NME7: variants seen among roughly 807,000 people sequenced by gnomAD.
The protein encoded by NME7 is NME/NM23 family member 7, also known as nucleoside diphosphate kinase 7.
Under a neutral mutation model 49.1 loss-of-function variants are expected in NME7, and 41 were observed. The observed-to-expected ratio is 0.83, with a 90% CI of 0.65 to 1.08. NME7 has a LOEUF of 1.08. NME7 is among the 50% of genes least tolerant of loss of function. The pLI, the probability that NME7 is intolerant of heterozygous loss-of-function variation, is 0.00. For synonymous variants in NME7, 139 were observed against 150.6 expected, an observed-to-expected ratio of 0.92 and a Z score of 0.56; for missense variants, 423 against 463.4, an observed-to-expected ratio of 0.91 and a Z score of 0.80.
intron 7 of NME7, among the ~76,000 whole-genome samples, chr1:169,278,853 T>C (rs1649867437): frequency 6.6e-6 from 1 of 152,186 alleles, no homozygotes. Flanking sequence ...GATGTACAGA[T>C]GGGTTTTTGG....
intron 10 of NME7, among the ~76,000 whole-genome samples, chr1:169,193,613 A>G (rs879890068): frequency 7.2e-5 from 11 of 152,200 alleles, no homozygotes; most frequent in South Asian, 4.1e-4. Context: ...CAAGCAGCAC[A>G]TGTGTATTAC....
At chr1:169,215,894 C>T (rs1263777048) in intron 10 of NME7, among the ~76,000 whole-genome samples, 2 of 152,144 alleles carry the variant, frequency 1.3e-5, no homozygotes, top group African/African-American at 4.8e-5. Context: ...GCAATCTAAA[C>T]AAGTCAAATT....
chr1:169,322,584 A>G (rs1651892478), intron 3 of NME7: 1 of 151,956 alleles, frequency 6.6e-6, no homozygotes, highest in Non-Finnish European at 1.5e-5. Flanking sequence ...CCTGTATCAT[A>G]ATTTCTTTAT....
intron 1 of NME7, among the ~76,000 whole-genome samples, chr1:169,328,069 A>G (rs929132): frequency 0.35 from 53,360 of 152,010 alleles, 10,484 homozygotes; most frequent in Non-Finnish European, 0.44. Flanking sequence ...CAACGAGCAC[A>G]CCAATCTGAT....
rs114624753 is a variant in NME7, at chr1:169,320,861, C to G, written c.278+2256G>C. Among the ~76,000 whole-genome samples, 621 of 152,016 alleles carry G rather than the reference C, an allele frequency of 4.1e-3. 1 individual carries two copies. The highest frequency in any genetic ancestry group is 7.4e-3 in the Non-Finnish European group (505 of 67,976). Reference sequence around the variant, plus strand: ...TGTTCATCCTGTTTTAAAATCAGTCCCATTCAACAGTATTTGCCAGCATAT... The same window carrying G: ...TGTTCATCCTGTTTTAAAATCAGTCGCATTCAACAGTATTTGCCAGCATAT... On this transcript the variant is annotated intron_variant, in intron 3 of 11. Coordinates refer to ENST00000367811, the MANE Select transcript of NME7 (RefSeq NM_013330.5).
intron 1 of NME7, among the ~76,000 whole-genome samples, chr1:169,355,864 A>T (rs1201026805): frequency 6.6e-6 from 1 of 152,094 alleles, no homozygotes; most frequent in Non-Finnish European, 1.5e-5. Context: ...TAAGGGTGGG[A>T]CTTTGTCACT....
intron 10 of NME7, among the ~76,000 whole-genome samples, chr1:169,208,911 C>T (rs1003768921): frequency 6.6e-6 from 1 of 151,932 alleles, no homozygotes; most frequent in African/African-American, 2.4e-5. Flanking sequence ...GGTTGGATTT[C>T]GATCCTGTAA....
rs1473278497 is a variant in NME7, at chr1:169,274,724, A to G, written c.754+12579T>C. Among the ~76,000 whole-genome samples, 2 of 133,684 alleles carry G rather than the reference A, an allele frequency of 1.5e-5. 1 individual carries two copies. The highest frequency in any genetic ancestry group is 3.5e-5 in the Non-Finnish European group (2 of 56,946). The allele number at this position is 133,684 out of a possible 152,430, so 87.7% of individuals were successfully genotyped here. On this transcript the variant is annotated intron_variant, in intron 7 of 11. Transcript: ENST00000367811. Reference sequence around the variant, plus strand: ...CCCAGCACCACTTATTAAATAGGGAATCCTTTTCCCATTGCTTGTTTTTCT... The same window carrying G: ...CCCAGCACCACTTATTAAATAGGGAGTCCTTTTCCCATTGCTTGTTTTTCT...
intron 5 of NME7, among the ~76,000 whole-genome samples, chr1:169,299,568 A>G (rs754094977): frequency 4.6e-5 from 7 of 152,114 alleles, no homozygotes; most frequent in Non-Finnish European, 8.8e-5. Flanking sequence ...TCTCTCATCC[A>G]AAGTAGAGAG....
chr1:169,304,262 A>G (rs1360999780), intron 4 of NME7, among the ~76,000 whole-genome samples: 2 of 152,210 alleles, frequency 1.3e-5, no homozygotes, highest in Non-Finnish European at 2.9e-5. Flanking sequence ...CTCTCCTAAC[A>G]CTGTGTAGTT....
At chr1:169,201,462 C>T (rs1191000281) in intron 10 of NME7, among the ~76,000 whole-genome samples, 1 of 151,862 alleles carries the variant, frequency 6.6e-6, no homozygotes, top group African/African-American at 2.4e-5. Context: ...GGTATGGAGA[C>T]TAATTAGGAG....
At chr1:169,310,875 CTAT>C (rs1651355353) in intron 3 of NME7, 5 of 152,096 alleles carry the variant, frequency 3.3e-5, no homozygotes, top group Non-Finnish European at 7.4e-5. Context: ...AATAATGTTA[CTAT>C]TAATATTATT....
At chr1:169,133,089 TAAA>T (rs5778601) in intron 11 of NME7, among the ~76,000 whole-genome samples, 1 of 150,172 alleles carries the variant, frequency 6.7e-6, no homozygotes, top group Admixed American at 6.6e-5. Flanking sequence ...ACATATGTGT[TAAA>T]AAAAAAAGTT....
At chr1:169,172,717 T>C (rs1283805833) in intron 10 of NME7, among the ~76,000 whole-genome samples, 1 of 152,180 alleles carries the variant, frequency 6.6e-6, no homozygotes, top group Admixed American at 6.5e-5. Context: ...CTTGCCTAAA[T>C]CTACCTCACT....
At chr1:169,180,449 A>C (rs998504620) in intron 10 of NME7, among the ~76,000 whole-genome samples, 3 of 152,226 alleles carry the variant, frequency 2.0e-5, no homozygotes, top group African/African-American at 7.2e-5. Context: ...CCTCCTATCC[A>C]GCAATGAAGA....
At chr1:169,194,484 T>C (rs1228986111) in intron 10 of NME7, among the ~76,000 whole-genome samples, 2 of 152,184 alleles carry the variant, frequency 1.3e-5, no homozygotes, top group African/African-American at 2.4e-5. Context: ...TTAGCTGGCA[T>C]GATAAGAAAA....
chr1:169,345,332 C>T lies in NME7; in HGVS notation c.4-20832G>A, dbSNP rs539809859. 2.9e-4 allele frequency among the ~76,000 whole-genome samples: 44 copies of T among 151,996 alleles called. No individual in the cohort carries two copies. In the South Asian group the frequency reaches 3.9e-3, roughly 14 times the overall value. On this transcript the variant is annotated intron_variant, in intron 1 of 11. Transcript: ENST00000367811. ...TATTTTACTGTTTTCTACTCCAATA[C>T]TTATCTCCTTTCTTTTCTATTTCCT...
At chr1:169,220,730 A>C (rs974246202) in intron 10 of NME7, among the ~76,000 whole-genome samples, 1 of 152,222 alleles carries the variant, frequency 6.6e-6, no homozygotes, top group Non-Finnish European at 1.5e-5. Flanking sequence ...AATGCATTTA[A>C]ACCACTTAAT....
chr1:169,195,227 CTTTAA>C (rs1457608818), intron 10 of NME7, among the ~76,000 whole-genome samples: 8 of 151,892 alleles, frequency 5.3e-5, no homozygotes, highest in Non-Finnish European at 1.2e-4. Context: ...TTTTAAAATT[CTTTAA>C]TTTTATTTTA....
Sources: allele counts gnomAD v4.1 joint callset (sites outside exome capture counted in the v4.1 genomes callset), GRCh38; gene constraint gnomAD v4.1.1; transcripts MANE v1.5; gene names NCBI Gene and HGNC (gene_info 2026-07-23, HGNC 2026-07-21).